The following MAP4K4 variants were observed in gnomAD, a reference collection of about 807,000 sequenced individuals.
MAP4K4 encodes mitogen-activated protein kinase kinase kinase kinase 4.
In MAP4K4, 38 loss-of-function variants were observed where a neutral mutation model predicts 189.6. That is an observed-to-expected ratio of 0.20 (90% confidence interval 0.15 to 0.26). The LOEUF is 0.26. Ranked by LOEUF, MAP4K4 falls within the 10% of genes least tolerant of loss-of-function variation. MAP4K4 has a pLI of 1.00. For synonymous variants in MAP4K4, 610 were observed against 624.3 expected, an observed-to-expected ratio of 0.98 and a Z score of 0.34; for missense variants, 1,054 against 1,726.9, an observed-to-expected ratio of 0.61 and a Z score of 6.91.
At position 101,869,793 on chromosome 2, in the gene MAP4K4, G is replaced by C. The variant is rs777416409; in HGVS notation, c.2635G>C (p.Ala879Pro). The change falls in exon 22 of 33, where the codon GCA becomes CCA. Residue 879 changes from alanine to proline, a missense_variant. Coordinates refer to ENST00000324219, the Ensembl canonical transcript of MAP4K4. ...CACCTCAGGACCAGAGGACACCAGA[G>C]CAGCGTCAGTCCCCGGTCTCTTTTA... The C allele has an allele frequency of 1.9e-6, 3 of 1,556,432 alleles. No individual in the cohort carries two copies. The African/African-American group carries it at 4.1e-5, about 21-fold the overall frequency.
exon 15 of MAP4K4, chr2:101,859,755 A>G (rs1576920493): frequency 6.2e-7 from 1 of 1,610,416 alleles, no homozygotes; most frequent in African/African-American, 1.3e-5. Context: ...AGGAGGCCGC[A>G]CCCGCAGCAC....
At chr2:101,709,931 T>G (rs923158063) in intron 2 of MAP4K4, among the ~76,000 whole-genome samples, 1 of 152,222 alleles carries the variant, frequency 6.6e-6, no homozygotes, top group East Asian at 1.9e-4. Flanking sequence ...AAAATTAAGT[T>G]AAGTAATAGT....
At chr2:101,702,429 T>C (rs539740304) in intron 2 of MAP4K4, among the ~76,000 whole-genome samples, 3 of 151,370 alleles carry the variant, frequency 2.0e-5, no homozygotes, top group Admixed American at 2.0e-4. Flanking sequence ...ATTAGCCGGG[T>C]GTAGTGGGGG....
At chr2:101,709,977 G>A (rs931778859) in intron 2 of MAP4K4, among the ~76,000 whole-genome samples, 4 of 152,094 alleles carry the variant, frequency 2.6e-5, no homozygotes, top group Admixed American at 6.5e-5. Context: ...CAGAGCTTTC[G>A]TTCTTACTTG....
intron 6 of MAP4K4, 128 bp from the exon 7 acceptor site, chr2:101,831,593 C>T (rs2096596943): frequency 5.0e-6 from 5 of 992,580 alleles, no homozygotes; most frequent in African/African-American, 1.6e-5. Context: ...TGAGCAGGAT[C>T]GCATATTCAT....
intron 2 of MAP4K4, among the ~76,000 whole-genome samples, chr2:101,758,906 G>A (rs1413964524): frequency 6.6e-6 from 1 of 152,102 alleles, no homozygotes; most frequent in Non-Finnish European, 1.5e-5. Flanking sequence ...GGCTGAGGCA[G>A]GCGGATCACG....
At chr2:101,886,891 G>T (rs1237707016) in intron 29 of MAP4K4, among the ~76,000 whole-genome samples, 197 bp from the exon 30 acceptor site, 2 of 152,114 alleles carry the variant, frequency 1.3e-5, no homozygotes, top group Non-Finnish European at 2.9e-5. Flanking sequence ...TGAGTGTGGT[G>T]GCGGGCACCT....
chr2:101,722,214 A>T (rs2052566508), intron 2 of MAP4K4, among the ~76,000 whole-genome samples: 1 of 152,178 alleles, frequency 6.6e-6, no homozygotes, highest in Admixed American at 6.5e-5. Context: ...AAAAAGATTG[A>T]TGCCTTTGCT....
At chr2:101,785,898 C>A (rs970457722) in intron 2 of MAP4K4, among the ~76,000 whole-genome samples, 1 of 151,874 alleles carries the variant, frequency 6.6e-6, no homozygotes, top group African/African-American at 2.4e-5. Flanking sequence ...GATCTTGGCT[C>A]ACTGCAACCT....
In MAP4K4 at chr2:101,741,736, A is replaced by G. The variant is rs115069449; in HGVS notation, c.123+43198A>G. On this transcript the variant is annotated intron_variant, in intron 2 of 32. Coordinates refer to ENST00000324219, the Ensembl canonical transcript of MAP4K4. ...GGACGACTGGTTTAGTTTTTAAAAC[A>G]TAGGCTTTGGGCCAGCAGGCCCTGG... is the stretch of plus-strand genomic sequence containing the variant. 4.7e-3 allele frequency among the ~76,000 whole-genome samples: 720 copies of G among 152,378 alleles called. 6 individuals are homozygous for G. The highest frequency in any genetic ancestry group is 0.017 in the African/African-American group (691 of 41,596).
At chr2:101,717,535 T>C (rs1248733312) in intron 2 of MAP4K4, among the ~76,000 whole-genome samples, 1 of 152,218 alleles carries the variant, frequency 6.6e-6, no homozygotes, top group Non-Finnish European at 1.5e-5. Context: ...TTGCCTTGAA[T>C]TAACCAGTTA....
chr2:101,855,341 G>C (rs1223126267), intron 12 of MAP4K4, among the ~76,000 whole-genome samples: 1 of 152,184 alleles, frequency 6.6e-6, no homozygotes, highest in African/African-American at 2.4e-5. Context: ...TTTCGCATCT[G>C]TAAAGCAGGG....
intron 27 of MAP4K4, 69 bp from the exon 28 acceptor site, chr2:101,882,482 T>C (rs2098415906): frequency 4.8e-5 from 59 of 1,239,416 alleles, no homozygotes; most frequent in Non-Finnish European, 6.3e-5. Flanking sequence ...TTCTTTTGGT[T>C]ACTATTGTTA....
At chr2:101,865,611 T>C (rs1228743392) in intron 18 of MAP4K4, among the ~76,000 whole-genome samples, 1 of 152,238 alleles carries the variant, frequency 6.6e-6, no homozygotes, top group African/African-American at 2.4e-5. Flanking sequence ...ATGAGCTCTA[T>C]AGCCACATAT....
intron 2 of MAP4K4, among the ~76,000 whole-genome samples, chr2:101,773,521 G>C (rs1272411351): frequency 6.6e-6 from 1 of 152,186 alleles, no homozygotes; most frequent in Admixed American, 6.5e-5. Context: ...ATACAGGCAT[G>C]CAATGCGTAA....
chr2:101,811,370 C>CAAAAAAAAAAAAA lies in MAP4K4; in HGVS notation c.181-12549_181-12537dup, dbSNP rs71378177. Among the ~76,000 whole-genome samples, 16 of 68,900 alleles carry CAAAAAAAAAAAAA rather than the reference C, an allele frequency of 2.3e-4. 2 individuals carry two copies. The highest frequency in any genetic ancestry group is 6.9e-4 in the African/African-American group (12 of 17,516). 45.2% of individuals were successfully genotyped at this position (68,900 alleles called of 152,430 possible). On this transcript the variant is annotated intron_variant, in intron 3 of 32. Transcript: ENST00000324219. ...ATGGCGACAGAGTGAGACTGCGTCTCAAAAAAAAAAAAAAAAAAAAAGAAT... is the reference window on the plus strand; with the variant it reads ...ATGGCGACAGAGTGAGACTGCGTCTCAAAAAAAAAAAAAAAAAAAAAAAAAAAAAAAAAAGAAT...
At chr2:101,708,871 G>A (rs2043870669) in intron 2 of MAP4K4, among the ~76,000 whole-genome samples, 1 of 152,108 alleles carries the variant, frequency 6.6e-6, no homozygotes, top group South Asian at 2.1e-4. Context: ...ACGTATGGTC[G>A]CCTGTGTTTA....
chr2:101,743,965 T>TA (rs1406936393), intron 2 of MAP4K4, among the ~76,000 whole-genome samples: 13 of 152,164 alleles, frequency 8.5e-5, no homozygotes, highest in African/African-American at 2.9e-4. Context: ...GCCCAGATAA[T>TA]ACTTTCAAGA....
intron 2 of MAP4K4, among the ~76,000 whole-genome samples, chr2:101,740,274 C>A (rs1304421742): frequency 2.4e-5 from 3 of 124,402 alleles, no homozygotes; most frequent in Non-Finnish European, 4.6e-5. Context: ...CTGCCTCAGC[C>A]TCCCAAGTAG....
Sources: gnomAD v4.1 joint callset for allele counts (sites outside exome capture counted in the v4.1 genomes callset) on GRCh38, gnomAD v4.1.1 for gene constraint, MANE v1.5 for transcripts, NCBI Gene and HGNC (gene_info 2026-07-23, HGNC 2026-07-21) for gene names.